BUB1B: variants seen among roughly 807,000 people sequenced by gnomAD.
The protein encoded by BUB1B is BUB1 mitotic checkpoint serine/threonine kinase B.
BUB1B carries 86 observed loss-of-function variants against 137.7 expected under a neutral mutation model. The observed-to-expected ratio is 0.62, with a 90% CI of 0.52 to 0.75. BUB1B has a LOEUF of 0.75. BUB1B is among the 30% of genes least tolerant of loss of function. BUB1B has a pLI of 0.00. For missense variants in BUB1B, 1,130 were observed against 1,236.9 expected, an observed-to-expected ratio of 0.91 and a Z score of 1.30; for synonymous variants, 420 against 417.9, an observed-to-expected ratio of 1.00 and a Z score of -0.06.
intron 16 of BUB1B, 136 bp from the exon 17 acceptor site, chr15:40,209,499 A>C: frequency 1.0e-6 from 1 of 1,001,364 alleles, no homozygotes; most frequent in Non-Finnish European, 1.6e-6. Flanking sequence ...AACACCTGAG[A>C]CAGGTGAGTG....
chr15:40,201,811 C>T (rs113549160), intron 12 of BUB1B, among the ~76,000 whole-genome samples: 9,043 of 151,988 alleles, frequency 0.059, 887 homozygotes, highest in African/African-American at 0.21. Flanking sequence ...GGACTACAGG[C>T]GCCCACCACC....
Position 40,202,579 on chromosome 15 carries a change from C to T in BUB1B, c.1629-10C>T. 6.2e-7 allele frequency: 1 copy of T among 1,612,972 alleles called. No individual in the cohort carries two copies. On this transcript the variant is annotated splice_polypyrimidine_tract_variant and intron_variant, in intron 13 of 22. Transcript: ENST00000287598. ...AAAAAAATTGCTAAGTGAGGTATGT[C>T]TTTTTCCAGTCCTCCTGCAGATCCC...
At position 40,206,244 on chromosome 15, in the gene BUB1B, G is replaced by A; in HGVS notation, c.1795G>A (p.Val599Ile). The A allele has an allele frequency of 1.2e-6, 2 of 1,614,186 alleles. No individual in the cohort carries two copies. The highest frequency in any genetic ancestry group is 1.7e-6 in the Non-Finnish European group (2 of 1,180,010). The change falls in exon 15 of 23, where the codon GTA becomes ATA. Residue 599 changes from valine (V) to isoleucine (I), a missense_variant. Val to Ile is a conservative substitution (Grantham distance 29). Transcript: ENST00000287598. ...EDAIITGFRN[V>I]TICPNPEDTC... is the part of the protein sequence containing the mutation. ...TGCCATTATCACAGGCTTCAGAAAT[G>A]TAACAATTTGTCCTAACCCAGAAGA...
chr15:40,199,236 TC>T (rs1473798742), intron 9 of BUB1B, among the ~76,000 whole-genome samples: 1 of 152,222 alleles, frequency 6.6e-6, no homozygotes, highest in Non-Finnish European at 1.5e-5. Context: ...CATTCTCACG[TC>T]ACCTATTTTA....
chr15:40,202,295 AGG>A (rs2037580862), intron 12 of BUB1B, 108 bp from the exon 13 acceptor site: 1 of 904,146 alleles, frequency 1.1e-6, no homozygotes, highest in African/African-American at 1.7e-5. Flanking sequence ...TTAAAAAAAC[AGG>A]TTGCCTTCCT....
intron 2 of BUB1B, chr15:40,166,403 G>A (rs745413760): frequency 7.2e-6 from 3 of 416,200 alleles, no homozygotes; most frequent in South Asian, 1.7e-5. Context: ...GCAGTGGCAC[G>A]ATCTTGGCTC....
At position 40,220,972 on chromosome 15, in the gene BUB1B, A is replaced by C; in HGVS notation, c.*213A>C. 1.7e-6 allele frequency: 1 copy of C among 599,440 alleles called. No individual in the cohort carries two copies. The allele number at this position is 599,440 out of a possible 1,614,324, so 37.1% of individuals were successfully genotyped here. A position where few individuals can be genotyped will look rare whatever the true frequency, so the allele number is the denominator to read the frequency against. ...CCTTGTCTAACTTTTGTGAAGAACTATTTTATTCTAAACAGACTCATTACA... is the reference window on the plus strand; with the variant it reads ...CCTTGTCTAACTTTTGTGAAGAACTCTTTTATTCTAAACAGACTCATTACA... On this transcript the variant is annotated 3_prime_UTR_variant, in exon 23 of 23. Transcript: ENST00000287598.
intron 14 of BUB1B, among the ~76,000 whole-genome samples, chr15:40,203,924 A>C (rs2037606089): frequency 1.3e-5 from 2 of 152,266 alleles, no homozygotes; most frequent in Admixed American, 1.3e-4. Context: ...TGATGTGAGC[A>C]GTAGCTTTAG....
chr15:40,206,510 T>A (rs764497083), intron 15 of BUB1B, 52 bp downstream of exon 15: 5 of 1,605,812 alleles, frequency 3.1e-6, no homozygotes, highest in Non-Finnish European at 3.4e-6. Context: ...TCTCTTATTC[T>A]GCATGTGCTT....
At chr15:40,204,872 G>C (rs1343259319) in intron 14 of BUB1B, among the ~76,000 whole-genome samples, 1 of 150,868 alleles carries the variant, frequency 6.6e-6, no homozygotes, top group Non-Finnish European at 1.5e-5. Flanking sequence ...CTGTGCTCAA[G>C]TGATCTTCCC....
intron 20 of BUB1B, among the ~76,000 whole-genome samples, chr15:40,216,951 A>G (rs558655787): frequency 6.6e-6 from 1 of 152,330 alleles, no homozygotes; most frequent in East Asian, 1.9e-4. Flanking sequence ...ATTACAAGTA[A>G]GAGTAAGATA....
At chr15:40,165,460 G>T (rs1364111640) in intron 2 of BUB1B, among the ~76,000 whole-genome samples, 1 of 152,144 alleles carries the variant, frequency 6.6e-6, no homozygotes, top group African/African-American at 2.4e-5. Flanking sequence ...TATACAGGGG[G>T]CAGTGATAAG....
At chr15:40,164,786 G>A (rs1055117226) in intron 1 of BUB1B, among the ~76,000 whole-genome samples, 1 of 151,388 alleles carries the variant, frequency 6.6e-6, no homozygotes, top group East Asian at 1.9e-4. Flanking sequence ...ACAGGTGTGA[G>A]CCACCGCACA....
chr15:40,171,532 G>A (rs978248306), intron 4 of BUB1B, among the ~76,000 whole-genome samples: 1 of 152,148 alleles, frequency 6.6e-6, no homozygotes, highest in African/African-American at 2.4e-5. Context: ...AAGTGACAGA[G>A]CAAGATCCTG....
intron 5 of BUB1B, among the ~76,000 whole-genome samples, chr15:40,179,686 C>T (rs73389531): frequency 0.055 from 8,385 of 151,840 alleles, 756 homozygotes; most frequent in African/African-American, 0.19. Context: ...AGCCTCTTTC[C>T]TACCTTCTTT....
Position 40,209,698 on chromosome 15 carries a change from A to G in BUB1B, c.2207A>G (p.Glu736Gly), listed in dbSNP as rs1477129171. The change falls in exon 17 of 23, where the codon GAG becomes GGG. Residue 736 changes from glutamate to glycine, a missense_variant. Coordinates refer to ENST00000287598, the MANE Select transcript of BUB1B (RefSeq NM_001211.6). ...YRRQLLKSLP[E>G]LSASAELCIE... is the part of the protein sequence containing the mutation. Reference sequence around the variant, plus strand: ...AGACAGCTACTGAAGTCCCTACCAGAGTTAAGTGCCTCTGCAGAGTTGTGT... The same window carrying G: ...AGACAGCTACTGAAGTCCCTACCAGGGTTAAGTGCCTCTGCAGAGTTGTGT... 1 of 1,614,036 alleles carries G rather than the reference A, an allele frequency of 6.2e-7. No individual in the cohort carries two copies. Among genetic ancestry groups the G allele is most frequent in the Non-Finnish European group, 8.5e-7 (1 of 1,180,018 alleles).
At chr15:40,207,734 G>A (rs1194253185) in intron 15 of BUB1B, among the ~76,000 whole-genome samples, 1 of 151,706 alleles carries the variant, frequency 6.6e-6, no homozygotes, top group African/African-American at 2.4e-5. Context: ...GGGAAATAAT[G>A]GACTTGAAAA....
chr15:40,170,546 C>T lies in BUB1B; in HGVS notation c.249C>T (p.Ser83=), dbSNP rs576848032. The change falls in exon 4 of 23, where the codon AGC becomes AGT. Residue 83 remains serine, a synonymous_variant. Coordinates refer to ENST00000287598, the MANE Select transcript of BUB1B (RefSeq NM_001211.6). ...TTTTCCTCCCATTTAGGTATATCAG[C>T]TGGACAGAGCAGAACTATCCTCAAG... The part of the protein sequence containing the change: ...DPLDVWDRYI[S]WTEQNYPQGG... The T allele has an allele frequency of 6.2e-6, 10 of 1,613,562 alleles. No individual in the cohort carries two copies. The South Asian group carries it at 8.8e-5, about 14-fold the overall frequency.
At position 40,217,486 on chromosome 15, in the gene BUB1B, C is replaced by G. The variant is rs752067419; in HGVS notation, c.2679-10C>G. On this transcript the variant is annotated splice_polypyrimidine_tract_variant and intron_variant, in intron 20 of 22. Coordinates refer to ENST00000287598, the MANE Select transcript of BUB1B (RefSeq NM_001211.6). The stretch of plus-strand genomic sequence containing the variant: ...TTTTTATTATCTCCTTCTCTTAAAT[C>G]TGGGCTCAGAATCCACGATCCCTAT... 2 of 1,613,628 alleles carry G rather than the reference C, an allele frequency of 1.2e-6. No individual in the cohort carries two copies. The highest frequency in any genetic ancestry group is 2.2e-5 in the South Asian group (2 of 91,080).
Sources: allele counts gnomAD v4.1 joint callset (sites outside exome capture counted in the v4.1 genomes callset), GRCh38; gene constraint gnomAD v4.1.1; transcripts MANE v1.5; gene names NCBI Gene and HGNC (gene_info 2026-07-23, HGNC 2026-07-21).